KIF7: variants seen among roughly 807,000 people sequenced by gnomAD.
KIF7 encodes the protein kinesin family member 7, also known as kinesin-like protein KIF7.
In KIF7, 104 loss-of-function variants were observed where a neutral mutation model predicts 135.7. That is an observed-to-expected ratio of 0.77 (90% CI 0.65 to 0.90). The LOEUF is 0.90. Among genes scored for constraint, KIF7 ranks in the 40% least tolerant of loss-of-function variants. KIF7 has a pLI of 0.00. For missense variants in KIF7, 2,005 were observed against 1,839.1 expected, an observed-to-expected ratio of 1.09 and a Z score of -1.65; for synonymous variants, 883 against 809.4, an observed-to-expected ratio of 1.09 and a Z score of -1.54.
upstream of KIF7, among the ~76,000 whole-genome samples, chr15:89,656,846 A>G (rs1876523436): frequency 6.6e-6 from 1 of 152,196 alleles, no homozygotes; most frequent in Non-Finnish European, 1.5e-5. Context: ...TTCTAAATCA[A>G]TTGGGGTCCT....
chr15:89,626,036 T>C, downstream of KIF7: 1 of 1,613,942 alleles, frequency 6.2e-7, no homozygotes, highest in Non-Finnish European at 8.5e-7. Flanking sequence ...GGAAAACACC[T>C]TCCTCTCAGA....
Position 89,647,591 on chromosome 15 carries a change from CG to C in KIF7, c.1560+4del. The C allele has an allele frequency of 6.2e-7, 1 of 1,610,192 alleles. No individual in the cohort carries two copies. The highest frequency in any genetic ancestry group is 8.5e-7 in the Non-Finnish European group (1 of 1,178,912). Reference sequence around the variant, plus strand: ...CTTCCCCGCACTGTGAAGCGGGCGCCGCACCTGCAGTTTGTACTGCTCCATG... The same window carrying C: ...CTTCCCCGCACTGTGAAGCGGGCGCCCACCTGCAGTTTGTACTGCTCCATG... On this transcript the variant is annotated splice_donor_region_variant and intron_variant, in intron 6 of 18. Coordinates refer to ENST00000394412, the MANE Select transcript of KIF7 (RefSeq NM_198525.3).
chr15:89,647,478 T>C (rs1964035710), intron 6 of KIF7, 118 bp downstream of exon 6: 3 of 888,618 alleles, frequency 3.4e-6, no homozygotes, highest in South Asian at 2.7e-5. Context: ...CTCCTGACTC[T>C]ACACCCCTAC....
chr15:89,644,962 C>T (rs377474682), intron 10 of KIF7, 51 bp downstream of exon 10: 18 of 1,600,678 alleles, frequency 1.1e-5, no homozygotes, highest in South Asian at 6.6e-5. Flanking sequence ...GCAGAAGTAA[C>T]GATGAGAAGT....
chr15:89,650,010 C>A (rs1250667060), intron 2 of KIF7, 69 bp from the exon 3 acceptor site: 3 of 1,456,214 alleles, frequency 2.1e-6, no homozygotes, highest in East Asian at 4.9e-5. Flanking sequence ...GGCCCGGAAG[C>A]TCATAGGCCC....
At chr15:89,659,165 A>G (rs1206872102), upstream of KIF7, among the ~76,000 whole-genome samples, 1 of 152,196 alleles carries the variant, frequency 6.6e-6, no homozygotes, top group East Asian at 1.9e-4. Context: ...AACAAGCTGG[A>G]AGAAGATATT....
chr15:89,644,980 G>T (rs369444819), intron 10 of KIF7, 33 bp downstream of exon 10: 1 of 1,604,838 alleles, frequency 6.2e-7, no homozygotes, highest in South Asian at 1.1e-5. Flanking sequence ...AGTCCCCCTC[G>T]GGTGAGAGGC....
intron 14 of KIF7, 56 bp downstream of exon 14, chr15:89,632,764 C>G (rs1963707349): frequency 6.4e-7 from 1 of 1,558,878 alleles, no homozygotes. Context: ...TCTGTCCTGG[C>G]TGGACCTCAC....
At chr15:89,654,737 T>G (rs936323488) in intron 1 of KIF7, among the ~76,000 whole-genome samples, 1 of 152,134 alleles carries the variant, frequency 6.6e-6, no homozygotes, top group Non-Finnish European at 1.5e-5. Flanking sequence ...CCAGGGAACT[T>G]TCCCTGCCCT....
intron 2 of KIF7, among the ~76,000 whole-genome samples, chr15:89,617,648 GAGT>G (rs1316818856): frequency 8.6e-6 from 1 of 115,874 alleles, no homozygotes; most frequent in Non-Finnish European, 2.0e-5. Flanking sequence ...TCAGCCTCCA[GAGT>G]AGCTGAACTA....
chr15:89,651,256 C>T (rs781212501), intron 2 of KIF7, among the ~76,000 whole-genome samples: 7 of 152,288 alleles, frequency 4.6e-5, no homozygotes, highest in Middle Eastern at 3.4e-3. Flanking sequence ...TGCACCACCA[C>T]GCCCAGCTAA....
At chr15:89,652,320 C>T (rs1383297906) in intron 2 of KIF7, among the ~76,000 whole-genome samples, 1 of 152,114 alleles carries the variant, frequency 6.6e-6, no homozygotes, top group Non-Finnish European at 1.5e-5. Context: ...GCCACCTTCC[C>T]GTGCCCTTCC....
intron 11 of KIF7, among the ~76,000 whole-genome samples, chr15:89,641,449 G>A (rs1349370176): frequency 1.3e-5 from 2 of 152,194 alleles, no homozygotes; most frequent in African/African-American, 2.4e-5. Context: ...ATTAACAAAA[G>A]GGGATGGAAG....
chr15:89,627,178 C>T (rs1242793657), downstream of KIF7: 2 of 1,506,586 alleles, frequency 1.3e-6, no homozygotes, highest in South Asian at 1.2e-5. Flanking sequence ...GCCTCTTTTG[C>T]CATGGTCAGT....
At chr15:89,625,974 C>G (rs1385743030), downstream of KIF7, 5 of 1,603,872 alleles carry the variant, frequency 3.1e-6, no homozygotes, top group Non-Finnish European at 4.3e-6. Context: ...GCGGAGCTGC[C>G]TCTCTGCCAG....
Position 89,631,560 on chromosome 15 carries a change from A to G in KIF7, c.3046T>C (p.Ser1016Pro), listed in dbSNP as rs1346364582. The change falls in exon 15 of 19, where the codon TCG (serine) becomes CCG (proline). Residue 1016 changes from serine to proline, a missense_variant. Coordinates refer to ENST00000394412, the MANE Select transcript of KIF7 (RefSeq NM_198525.3). Reference protein sequence around the residue: ...EIDSLRQEKDSLLKQRLEIDG... With the variant: ...EIDSLRQEKDPLLKQRLEIDG... ...ATCTCCAGGCGCTGCTTGAGCAGCGAGTCCTTCTCCTGGCGCAGGCTGTCG... is the reference window on the plus strand; with the variant it reads ...ATCTCCAGGCGCTGCTTGAGCAGCGGGTCCTTCTCCTGGCGCAGGCTGTCG... The G allele has an allele frequency of 6.3e-7, 1 of 1,574,938 alleles. No homozygotes were observed. The highest frequency in any genetic ancestry group is 1.2e-5 in the South Asian group (1 of 86,172).
downstream of KIF7, chr15:89,626,816 C>T: frequency 1.1e-6 from 1 of 902,696 alleles, no homozygotes; most frequent in Non-Finnish European, 1.7e-6. Context: ...GGTACCATTT[C>T]TGTAGGATAA....
intron 1 of KIF7, among the ~76,000 whole-genome samples, chr15:89,620,161 G>A (rs1055673818): frequency 3.3e-5 from 5 of 152,074 alleles, no homozygotes; most frequent in South Asian, 2.1e-4. Flanking sequence ...CTGTGTTTAC[G>A]TTCTTCATTC....
At chr15:89,638,627 G>A (rs1963858968) in intron 11 of KIF7, among the ~76,000 whole-genome samples, 3 of 151,452 alleles carry the variant, frequency 2.0e-5, no homozygotes, top group Admixed American at 2.0e-4. Flanking sequence ...ACAAACCACT[G>A]CTCAAGGAAA....
Sources: allele counts gnomAD v4.1 joint callset (sites outside exome capture counted in the v4.1 genomes callset), GRCh38; gene constraint gnomAD v4.1.1; transcripts MANE v1.5; gene names NCBI Gene and HGNC (gene_info 2026-07-23, HGNC 2026-07-21).